Variants in ADGRL2 observed in about 807,000 individuals in gnomAD.
ADGRL2 encodes the protein adhesion G protein-coupled receptor L2, also known as calcium-independent alpha-latrotoxin receptor 2.
A neutral mutation model predicts 157.4 loss-of-function variants in ADGRL2; 44 were observed. That is an observed-to-expected ratio of 0.28 (90% CI 0.22 to 0.36). The LOEUF is 0.36. ADGRL2 is among the 10% of genes least tolerant of loss of function. The pLI, the probability that ADGRL2 is intolerant of heterozygous loss-of-function variation, is 1.00. For missense variants in ADGRL2, 1,510 were observed against 1,768.9 expected, an observed-to-expected ratio of 0.85 and a Z score of 2.63; for synonymous variants, 585 against 624.7, an observed-to-expected ratio of 0.94 and a Z score of 0.95.
intron 2 of ADGRL2, among the ~76,000 whole-genome samples, chr1:81,521,839 T>G (rs1159984730): frequency 6.6e-6 from 1 of 152,228 alleles, no homozygotes; most frequent in African/African-American, 2.4e-5. Flanking sequence ...ATACAGAGTA[T>G]GATTTCATAG....
chr1:81,955,839 A>G, intron 10 of ADGRL2, 38 bp from the exon 11 acceptor site: 1 of 1,397,730 alleles, frequency 7.2e-7, no homozygotes, highest in African/African-American at 1.5e-5. Flanking sequence ...TGGTTCTAAA[A>G]GCGGTCAAAA....
chr1:81,365,635 T>G (rs1274516359), intron 1 of ADGRL2, among the ~76,000 whole-genome samples: 1 of 152,162 alleles, frequency 6.6e-6, no homozygotes, highest in Non-Finnish European at 1.5e-5. Flanking sequence ...CTAATAATAT[T>G]GGTTGGGAAG....
intron 1 of ADGRL2, among the ~76,000 whole-genome samples, chr1:81,349,376 G>A (rs1159777877): frequency 1.3e-5 from 2 of 152,120 alleles, no homozygotes; most frequent in African/African-American, 2.4e-5. Context: ...GTCTTAGGAT[G>A]TAAACTTTCT....
intron 21 of ADGRL2, 81 bp from the exon 22 acceptor site, chr1:81,986,820 A>G: frequency 7.0e-7 from 1 of 1,420,410 alleles, no homozygotes; most frequent in Non-Finnish European, 9.7e-7. Flanking sequence ...TAAAAAAAAT[A>G]GTTGACTACA....
chr1:81,694,478 A>G (rs1439161365), intron 3 of ADGRL2, among the ~76,000 whole-genome samples: 2 of 152,004 alleles, frequency 1.3e-5, no homozygotes, highest in African/African-American at 4.8e-5. Flanking sequence ...CATTACTATA[A>G]CATAATCTAG....
At chr1:81,740,065 T>C (rs1471792632) in intron 1 of ADGRL2, among the ~76,000 whole-genome samples, 1 of 152,172 alleles carries the variant, frequency 6.6e-6, no homozygotes, top group African/African-American at 2.4e-5. Context: ...AAATAAATAT[T>C]ATGATGTCAA....
At chr1:81,957,340 T>C (rs1340122321) in intron 11 of ADGRL2, among the ~76,000 whole-genome samples, 1 of 152,220 alleles carries the variant, frequency 6.6e-6, no homozygotes, top group Non-Finnish European at 1.5e-5. Flanking sequence ...GTTTGAGATA[T>C]ATTCTGAACA....
intron 3 of ADGRL2, among the ~76,000 whole-genome samples, chr1:81,907,753 A>G (rs1263499358): frequency 6.6e-6 from 1 of 152,164 alleles, no homozygotes; most frequent in Non-Finnish European, 1.5e-5. Context: ...ACAGCAGTAC[A>G]TTTGTTAACA....
intron 2 of ADGRL2, among the ~76,000 whole-genome samples, chr1:81,477,053 C>T (rs568845042): frequency 6.6e-6 from 1 of 152,328 alleles, no homozygotes; most frequent in African/African-American, 2.4e-5. Flanking sequence ...TCTCTGTTCA[C>T]AGAACTACTT....
chr1:81,619,488 G>A (rs1460962978), intron 3 of ADGRL2, among the ~76,000 whole-genome samples: 2 of 152,170 alleles, frequency 1.3e-5, no homozygotes, highest in Non-Finnish European at 2.9e-5. Flanking sequence ...AGGGATCAAT[G>A]TAAAATTCCA....
intron 3 of ADGRL2, among the ~76,000 whole-genome samples, chr1:81,921,706 A>G (rs978923108): frequency 2.0e-5 from 3 of 152,214 alleles, no homozygotes; most frequent in African/African-American, 4.8e-5. Flanking sequence ...TAATATGAGG[A>G]TAGACACTTT....
chr1:81,567,449 A>C (rs146912678), intron 2 of ADGRL2, among the ~76,000 whole-genome samples: 3 of 152,198 alleles, frequency 2.0e-5, no homozygotes. Flanking sequence ...TATATCATGA[A>C]TACAATAAGG....
rs540181561 is a variant in ADGRL2, at chr1:81,471,794, T to C, written c.-248+26705T>C. The stretch of plus-strand genomic sequence containing the variant: ...AAAACTGGATAAGACCTAAATTTTA[T>C]ATTTCATTTTAAAGATAGTATCTTA... On this transcript the variant is annotated intron_variant, in intron 2 of 24. Transcript: ENST00000370721. Among the ~76,000 whole-genome samples the C allele has an allele frequency of 9.2e-5, 14 of 152,358 alleles. No individual in the cohort carries two copies. In the South Asian group the frequency reaches 1.4e-3, roughly 16 times the overall value.
intron 2 of ADGRL2, among the ~76,000 whole-genome samples, chr1:81,779,263 T>A (rs2086718157): frequency 6.6e-6 from 1 of 152,120 alleles, no homozygotes; most frequent in African/African-American, 2.4e-5. Flanking sequence ...ATGAAATGTC[T>A]AAGGGGTTCG....
At chr1:81,617,563 T>C (rs913173848) in intron 3 of ADGRL2, among the ~76,000 whole-genome samples, 2 of 152,234 alleles carry the variant, frequency 1.3e-5, no homozygotes, top group African/African-American at 4.8e-5. Flanking sequence ...TTTCCTGTTT[T>C]GCTTTTGAGT....
rs557109913 is a variant in ADGRL2, at chr1:81,439,847, C to T, written c.-301-5189C>T. Among the ~76,000 whole-genome samples, 8 of 152,278 alleles carry T rather than the reference C, an allele frequency of 5.3e-5. No homozygotes were observed. In the East Asian group the frequency reaches 1.4e-3, roughly 26 times the overall value. On this transcript the variant is annotated intron_variant, in intron 1 of 24. Coordinates refer to the ADGRL2 transcript ENST00000370721. The stretch of plus-strand genomic sequence containing the variant: ...CTTGCTACCTGCACTCAGTGGGTCC[C>T]GAGCTATTGTCCAGTGTCCAAGAAG...
chr1:81,806,054 T>C (rs2089092367), intron 1 of ADGRL2, among the ~76,000 whole-genome samples: 1 of 152,052 alleles, frequency 6.6e-6, no homozygotes, highest in Non-Finnish European at 1.5e-5. Flanking sequence ...GGTTACTATG[T>C]GTTGGCAACA....
chr1:81,567,349 A>C (rs1008553178), intron 2 of ADGRL2, among the ~76,000 whole-genome samples: 2 of 152,140 alleles, frequency 1.3e-5, no homozygotes, highest in East Asian at 3.8e-4. Flanking sequence ...GCATTGGACA[A>C]CACAGGTATA....
intron 2 of ADGRL2, among the ~76,000 whole-genome samples, chr1:81,894,942 A>G (rs2151495865): frequency 6.6e-6 from 1 of 152,328 alleles, no homozygotes; most frequent in African/African-American, 2.4e-5. Flanking sequence ...GATACTTTTT[A>G]AGTGATTGAA....
Sources: allele counts gnomAD v4.1 joint callset (sites outside exome capture counted in the v4.1 genomes callset), GRCh38; gene constraint gnomAD v4.1.1; transcripts MANE v1.5; gene names NCBI Gene and HGNC (gene_info 2026-07-23, HGNC 2026-07-21).